BCKDHB: variants seen among roughly 807,000 people sequenced by gnomAD.
The protein encoded by BCKDHB is branched chain keto acid dehydrogenase E1 subunit beta.
BCKDHB carries 41 observed loss-of-function variants against 48.5 expected under a neutral mutation model. The ratio of observed to expected loss-of-function variants is 0.85; its 90% CI spans 0.66 to 1.10. The LOEUF is 1.10. BCKDHB is among the 50% of genes least tolerant of loss of function. The pLI is 0.00. For synonymous variants in BCKDHB, 201 were observed against 174.8 expected, an observed-to-expected ratio of 1.15 and a Z score of -1.18; for missense variants, 496 against 494.2, an observed-to-expected ratio of 1.00 and a Z score of -0.03.
At chr6:80,320,780 C>T (rs138378222) in intron 9 of BCKDHB, among the ~76,000 whole-genome samples, 92 of 152,110 alleles carry the variant, frequency 6.0e-4, no homozygotes, top group African/African-American at 2.0e-3. Flanking sequence ...GTTATGGTAG[C>T]GATGGTGAAG....
At chr6:80,216,542 G>A (rs1398602684) in intron 8 of BCKDHB, among the ~76,000 whole-genome samples, 1 of 151,784 alleles carries the variant, frequency 6.6e-6, no homozygotes, top group African/African-American at 2.4e-5. Context: ...TGTGTTTTTG[G>A]TGTCCTCTTA....
rs932484502 is a variant in BCKDHB, at chr6:80,346,056, A to C, written c.*2252A>C. The C allele has an allele frequency of 6.6e-6, 1 of 152,104 alleles. No individual in the cohort carries two copies. Among genetic ancestry groups the C allele is most frequent in the Non-Finnish European group, 1.5e-5 (1 of 68,000 alleles). 9.4% of individuals were successfully genotyped at this position (152,104 alleles called of 1,614,324 possible). Reference sequence around the variant, plus strand: ...ATTTCCTCCGACTTACCTCTTTTTGAAAAGAGAGTTTTTATTAAGTGAACC... The same window carrying C: ...ATTTCCTCCGACTTACCTCTTTTTGCAAAGAGAGTTTTTATTAAGTGAACC... On this transcript the variant is annotated 3_prime_UTR_variant, in exon 10 of 10. Coordinates refer to ENST00000320393, the MANE Select transcript of BCKDHB (RefSeq NM_183050.4).
At chr6:80,366,447 G>A in the BCKDHB span, among the ~76,000 whole-genome samples, 3 of 151,988 alleles carry the variant, frequency 2.0e-5, no homozygotes, top group East Asian at 1.9e-4. Flanking sequence ...TCTCTTTAAC[G>A]GTGAGAGAAA....
intron 8 of BCKDHB, among the ~76,000 whole-genome samples, chr6:80,206,541 TTGTGTG>T (rs35972426): frequency 2.7e-5 from 4 of 145,746 alleles, no homozygotes; most frequent in African/African-American, 1.0e-4. Flanking sequence ...CCTAGAAAGT[TTGTGTG>T]TGTGTGTGTG....
chr6:80,210,074 T>C (rs1340592691), intron 8 of BCKDHB, among the ~76,000 whole-genome samples: 1 of 149,880 alleles, frequency 6.7e-6, no homozygotes, highest in East Asian at 2.0e-4. Context: ...TTTGGCAGTA[T>C]CTACCTGAAC....
At chr6:80,458,109 G>A in the BCKDHB span, among the ~76,000 whole-genome samples, 1 of 152,128 alleles carries the variant, frequency 6.6e-6, no homozygotes. Context: ...GCCTTAGAAA[G>A]GCTTGTTGAA....
At chr6:80,115,468 A>T (rs888531062) in intron 1 of BCKDHB, among the ~76,000 whole-genome samples, 6 of 152,180 alleles carry the variant, frequency 3.9e-5, no homozygotes, top group Non-Finnish European at 7.4e-5. Flanking sequence ...AGAATAGGGT[A>T]TCTGGATGGA....
chr6:80,163,397 A>C (rs571451901), intron 3 of BCKDHB, among the ~76,000 whole-genome samples: 1 of 149,638 alleles, frequency 6.7e-6, no homozygotes, highest in African/African-American at 2.5e-5. Flanking sequence ...TCCTCATCTC[A>C]CTTTTTAATA....
the BCKDHB span, among the ~76,000 whole-genome samples, chr6:80,359,575 T>C: frequency 6.6e-6 from 1 of 151,342 alleles, no homozygotes; most frequent in East Asian, 1.9e-4. Flanking sequence ...TTTGGCTTAA[T>C]ACGCTTGTTT....
chr6:80,121,321 G>T (rs1409671548), intron 1 of BCKDHB, among the ~76,000 whole-genome samples: 3 of 152,270 alleles, frequency 2.0e-5, no homozygotes, highest in South Asian at 2.1e-4. Flanking sequence ...TGTTCTTTTT[G>T]TTTAGGATTA....
rs1292931885 is a variant in BCKDHB, at chr6:80,127,549, C to T, written c.199C>T (p.Gln67Ter). Residue 67 changes from glutamine (Q) to a stop codon, truncating the protein, a stop_gained and splice_region_variant, in exon 2 of 10, where the codon CAA becomes TAA. Transcript: ENST00000320393. LOFTEE classifies it high-confidence loss of function. ...QPDPEPREYG[Q>*]TQKMNLFQSV... ...GATTTTTTTTTTGATTTTCACAGGGCAAACTCAGAAAATGAATCTTTTCCA... is the reference window on the plus strand; with the variant it reads ...GATTTTTTTTTTGATTTTCACAGGGTAAACTCAGAAAATGAATCTTTTCCA... 1 of 1,611,864 alleles carries T rather than the reference C, an allele frequency of 6.2e-7. No homozygotes were observed. Among genetic ancestry groups the T allele is most frequent in the Non-Finnish European group, 8.5e-7 (1 of 1,178,640 alleles).
chr6:80,267,664 A>G (rs1777569955), intron 8 of BCKDHB, among the ~76,000 whole-genome samples: 1 of 152,082 alleles, frequency 6.6e-6, no homozygotes, highest in African/African-American at 2.4e-5. Context: ...GTTTATCTGA[A>G]ATATTTTGAA....
intron 9 of BCKDHB, among the ~76,000 whole-genome samples, chr6:80,336,481 CTT>C (rs1402777086): frequency 1.4e-5 from 1 of 72,468 alleles, no homozygotes; most frequent in African/African-American, 4.6e-5. Flanking sequence ...GGAAAGAAAT[CTT>C]AGCAAAAAAA....
At chr6:80,380,889 C>T in the BCKDHB span, among the ~76,000 whole-genome samples, 2 of 152,028 alleles carry the variant, frequency 1.3e-5, no homozygotes, top group East Asian at 3.9e-4. Context: ...AAATATTAAT[C>T]TTGTATCCTG....
chr6:80,219,806 G>GT (rs1280041674), intron 8 of BCKDHB, among the ~76,000 whole-genome samples: 1 of 152,182 alleles, frequency 6.6e-6, no homozygotes, highest in African/African-American at 2.4e-5. Context: ...TAGGTTCACA[G>GT]TAACTTTTAC....
intron 8 of BCKDHB, among the ~76,000 whole-genome samples, chr6:80,238,803 A>C (rs532549083): frequency 1.4e-4 from 21 of 151,974 alleles, no homozygotes; most frequent in Admixed American, 3.9e-4. Context: ...CCCTGTGTCC[A>C]AGTATTCTCA....
chr6:80,321,238 G>A (rs1648430715), intron 9 of BCKDHB, among the ~76,000 whole-genome samples: 1 of 152,306 alleles, frequency 6.6e-6, no homozygotes, highest in Admixed American at 6.5e-5. Context: ...AATATCAGTA[G>A]TGGTTAGGAG....
chr6:80,278,470 C>A (rs1366095100), intron 9 of BCKDHB, among the ~76,000 whole-genome samples: 1 of 152,140 alleles, frequency 6.6e-6, no homozygotes, highest in African/African-American at 2.4e-5. Flanking sequence ...CCATGTTATA[C>A]TCTGTTGGTT....
intron 1 of BCKDHB, among the ~76,000 whole-genome samples, chr6:80,115,560 A>G (rs1259016446): frequency 2.6e-5 from 4 of 151,756 alleles, no homozygotes; most frequent in Admixed American, 1.3e-4. Context: ...AGATTGTTTC[A>G]TTGACATCAT....
Sources: gnomAD v4.1 joint callset for allele counts (sites outside exome capture counted in the v4.1 genomes callset) on GRCh38, gnomAD v4.1.1 for gene constraint, MANE v1.5 for transcripts, NCBI Gene and HGNC (gene_info 2026-07-23, HGNC 2026-07-21) for gene names.